The following ROCK2 variants were observed in gnomAD, a reference collection of about 807,000 sequenced individuals.
ROCK2 encodes the protein rho-associated protein kinase 2.
A neutral mutation model predicts 195.1 loss-of-function variants in ROCK2; 61 were observed. The ratio of observed to expected loss-of-function variants is 0.31; its 90% CI spans 0.25 to 0.39. The LOEUF (loss-of-function observed/expected upper bound fraction) is 0.39, where lower values mean the gene tolerates loss of function less well. Ranked by LOEUF, ROCK2 falls within the 10% of genes least tolerant of loss-of-function variation. ROCK2 has a pLI of 1.00. For synonymous variants in ROCK2, 504 were observed against 545.5 expected (o/e 0.92, Z 1.06); for missense variants, 1,109 against 1,637.4 (o/e 0.68, Z 5.57).
Position 11,215,333 on chromosome 2 carries a change from T to C in ROCK2, c.1677A>G (p.Gln559=). The change falls in exon 15 of 33, where the codon CAA becomes CAG. Residue 559 remains glutamine, a synonymous_variant. Transcript: ENST00000315872. ...TAGATCCACCTACTTGTCTCTGGAG[T>C]TGATTCACTTTCTCAGTGGATATTT... is the stretch of plus-strand genomic sequence containing the variant. The part of the protein sequence containing the change: ...NSQISTEKVN[Q]LQRQLDETNA... The C allele has an allele frequency of 6.3e-7, 1 of 1,598,858 alleles. No individual in the cohort carries two copies. Among genetic ancestry groups the C allele is most frequent in the African/African-American group, 1.3e-5 (1 of 74,212 alleles).
chr2:11,340,724 A>G (rs979826854), intron 1 of ROCK2, among the ~76,000 whole-genome samples: 6 of 152,190 alleles, frequency 3.9e-5, no homozygotes, highest in African/African-American at 1.4e-4. Flanking sequence ...CTGAGATAAT[A>G]TTGTCAGATA....
chr2:11,212,137 G>C (rs927481244), intron 17 of ROCK2, among the ~76,000 whole-genome samples: 1 of 151,874 alleles, frequency 6.6e-6, no homozygotes, highest in African/African-American at 2.4e-5. Flanking sequence ...CACTGATCTT[G>C]AACTCCTGGG....
intron 1 of ROCK2, among the ~76,000 whole-genome samples, chr2:11,323,257 T>C (rs1282045432): frequency 6.6e-6 from 1 of 152,254 alleles, no homozygotes; most frequent in Non-Finnish European, 1.5e-5. Flanking sequence ...CAGACATTGA[T>C]ACTTTTCCAG....
chr2:11,207,930 CTTGG>C lies in ROCK2; in HGVS notation c.2365-24_2365-21del. The C allele has an allele frequency of 6.7e-7, 1 of 1,501,774 alleles. No homozygotes were observed. The highest frequency in any genetic ancestry group is 9.0e-7 in the Non-Finnish European group (1 of 1,116,380). 93.0% of individuals were successfully genotyped at this position (1,501,774 alleles called of 1,614,324 possible). A position where few individuals can be genotyped will look rare whatever the true frequency, so the allele number is the denominator to read the frequency against. ...TCTAACCTAAGAAATAAATTGTGTACTTGGTATATAAGTAAATTATTTCCATTTT... is the reference window on the plus strand; with the variant it reads ...TCTAACCTAAGAAATAAATTGTGTACTATATAAGTAAATTATTTCCATTTT... On this transcript the variant is annotated intron_variant, in intron 19 of 32. Transcript: ENST00000315872.
chr2:11,296,368 G>A (rs1667539073), intron 1 of ROCK2, among the ~76,000 whole-genome samples: 1 of 152,068 alleles, frequency 6.6e-6, no homozygotes, highest in African/African-American at 2.4e-5. Flanking sequence ...CACACTTAAT[G>A]ACAAGAAACA....
intron 5 of ROCK2, among the ~76,000 whole-genome samples, chr2:11,233,827 A>G: frequency 6.6e-6 from 1 of 152,208 alleles, no homozygotes; most frequent in East Asian, 1.9e-4. Context: ...CTAGCTATCT[A>G]TTAGGGAGAG....
At chr2:11,336,156 T>C (rs1037765008) in intron 1 of ROCK2, among the ~76,000 whole-genome samples, 2 of 152,248 alleles carry the variant, frequency 1.3e-5, no homozygotes. Flanking sequence ...ATTTAAAAAA[T>C]GACAAATCTT....
rs7588029 is a variant in ROCK2, at chr2:11,332,747, G to C, written c.141+11249C>G. 7.3e-3 allele frequency among the ~76,000 whole-genome samples: 1,115 copies of C among 152,304 alleles called. 18 individuals are homozygous for C. The highest frequency in any genetic ancestry group is 0.025 in the African/African-American group (1,050 of 41,568). ...CCTGCAGTCCCACTCCTTGGAATCT[G>C]TCCAAGAGAAATGAAAACATATGCC... On this transcript the variant is annotated intron_variant, in intron 1 of 32. Transcript: ENST00000315872.
intron 3 of ROCK2, among the ~76,000 whole-genome samples, chr2:11,256,306 TG>T (rs1486936825): frequency 6.6e-6 from 1 of 151,218 alleles, no homozygotes; most frequent in African/African-American, 2.5e-5. Flanking sequence ...GTTGTTCTCC[TG>T]ATAGTGAGTT....
At chr2:11,186,198 C>T (rs1314035420) in intron 32 of ROCK2, among the ~76,000 whole-genome samples, 1 of 152,156 alleles carries the variant, frequency 6.6e-6, no homozygotes, top group Non-Finnish European at 1.5e-5. Flanking sequence ...GAACACATAT[C>T]GCAACCTGGC....
chr2:11,252,400 A>G (rs1020828575), intron 3 of ROCK2, among the ~76,000 whole-genome samples: 8 of 151,872 alleles, frequency 5.3e-5, no homozygotes, highest in African/African-American at 1.7e-4. Flanking sequence ...GAAAAAAAAA[A>G]AAAAGATCTA....
intron 1 of ROCK2, among the ~76,000 whole-genome samples, chr2:11,305,734 T>C (rs1667839838): frequency 6.6e-6 from 1 of 152,172 alleles, no homozygotes. Context: ...GAGCTATACA[T>C]ACACAATGTA....
intron 1 of ROCK2, among the ~76,000 whole-genome samples, chr2:11,324,263 C>A (rs935226039): frequency 6.6e-6 from 1 of 152,104 alleles, no homozygotes; most frequent in Non-Finnish European, 1.5e-5. Context: ...GGTGAAACCC[C>A]GTCTCCACTA....
At chr2:11,298,076 G>A (rs1454373859) in intron 1 of ROCK2, among the ~76,000 whole-genome samples, 1 of 152,054 alleles carries the variant, frequency 6.6e-6, no homozygotes. Flanking sequence ...TTATCAAGCT[G>A]TATACATACA....
chr2:11,188,203 T>A lies in ROCK2; in HGVS notation c.4163+3945A>T, dbSNP rs1223228429. On this transcript the variant is annotated intron_variant, in intron 32 of 32. Coordinates refer to ENST00000315872, the MANE Select transcript of ROCK2 (RefSeq NM_004850.5). ...TCGGCTTACTGCAACCTCCACCTCCTGGGTTCAAGCAATTCTCTGCCTCAG... is the reference window on the plus strand; with the variant it reads ...TCGGCTTACTGCAACCTCCACCTCCAGGGTTCAAGCAATTCTCTGCCTCAG... Among the ~76,000 whole-genome samples the A allele has an allele frequency of 2.7e-5, 4 of 149,110 alleles. No homozygotes were observed. In the East Asian group the frequency reaches 8.0e-4, roughly 30 times the overall value.
chr2:11,252,431 C>T (rs1360819720), intron 3 of ROCK2, among the ~76,000 whole-genome samples: 1 of 151,748 alleles, frequency 6.6e-6, no homozygotes, highest in Non-Finnish European at 1.5e-5. Context: ...TACCATTTGA[C>T]CCAGCAATCC....
At chr2:11,340,025 A>G (rs1669054730) in intron 1 of ROCK2, among the ~76,000 whole-genome samples, 1 of 152,236 alleles carries the variant, frequency 6.6e-6, no homozygotes, top group African/African-American at 2.4e-5. Context: ...ATAAAAAACA[A>G]AAAAGTTAGG....
chr2:11,331,908 AGT>A (rs147151988), intron 1 of ROCK2, among the ~76,000 whole-genome samples: 1,581 of 152,272 alleles, frequency 0.01, 26 homozygotes, highest in African/African-American at 0.036. Flanking sequence ...CCCAGGCGAC[AGT>A]GTGAGACTGT....
Position 11,320,864 on chromosome 2 carries a change from C to T in ROCK2, c.141+23132G>A, listed in dbSNP as rs566309408. On this transcript the variant is annotated intron_variant, in intron 1 of 32. Coordinates refer to ENST00000315872, the MANE Select transcript of ROCK2 (RefSeq NM_004850.5). ...TGGATTGCAGAAGCAGAGCTAGAAG[C>T]CAAGGAAGCCAATGCAGTTAACAGA... 8.5e-5 allele frequency among the ~76,000 whole-genome samples: 13 copies of T among 152,220 alleles called. No homozygotes were observed. The East Asian group carries it at 2.5e-3, about 29-fold the overall frequency.
Sources: gnomAD v4.1 joint callset for allele counts (sites outside exome capture counted in the v4.1 genomes callset) on GRCh38, gnomAD v4.1.1 for gene constraint, MANE v1.5 for transcripts, NCBI Gene and HGNC (gene_info 2026-07-23, HGNC 2026-07-21) for gene names.